The following RPS6KC1 variants were observed in gnomAD, a reference collection of about 807,000 sequenced individuals.
The protein encoded by RPS6KC1 is ribosomal protein S6 kinase C1.
Under a neutral mutation model 103.8 loss-of-function variants are expected in RPS6KC1, and 54 were observed. That is an observed-to-expected ratio of 0.52 (90% CI 0.42 to 0.65). The LOEUF (loss-of-function observed/expected upper bound fraction) is 0.65. Among genes scored for constraint, RPS6KC1 ranks in the 30% least tolerant of loss-of-function variants. The pLI is 0.00. For missense variants in RPS6KC1, 1,151 were observed against 1,253.8 expected (o/e 0.92, Z 1.24); for synonymous variants, 439 against 438.7 (o/e 1.00, Z -0.01).
the RPS6KC1 span, among the ~76,000 whole-genome samples, chr1:213,460,183 A>G: frequency 2.0e-5 from 3 of 152,178 alleles, no homozygotes; most frequent in Non-Finnish European, 4.4e-5. Context: ...GTGGGGTGTT[A>G]AAATCTCCCA....
chr1:213,602,006 CT>C, the RPS6KC1 span, among the ~76,000 whole-genome samples: 5 of 34,528 alleles, frequency 1.4e-4, 1 homozygote, highest in African/African-American at 3.4e-4. Context: ...CTTTTCTTTT[CT>C]TTTCTTTTCT....
At chr1:213,677,110 A>C in the RPS6KC1 span, among the ~76,000 whole-genome samples, 1 of 151,768 alleles carries the variant, frequency 6.6e-6, no homozygotes, top group African/African-American at 2.4e-5. Flanking sequence ...GAAAATGACA[A>C]CTCGACATGC....
chr1:213,711,357 A>G, the RPS6KC1 span, among the ~76,000 whole-genome samples: 16 of 152,220 alleles, frequency 1.1e-4, no homozygotes, highest in Admixed American at 3.3e-4. Context: ...TTTCAGCTCC[A>G]TCAGTTCATT....
At chr1:213,300,101 C>T in the RPS6KC1 span, among the ~76,000 whole-genome samples, 22 of 152,150 alleles carry the variant, frequency 1.4e-4, no homozygotes, top group African/African-American at 4.1e-4. Context: ...CACCGCACCC[C>T]GCCGCTAAAT....
chr1:213,804,372 A>G, the RPS6KC1 span, among the ~76,000 whole-genome samples: 1 of 151,902 alleles, frequency 6.6e-6, no homozygotes, highest in Non-Finnish European at 1.5e-5. Flanking sequence ...ACGAGAATGA[A>G]TCCCACCTTA....
chr1:213,205,051 T>C (rs1234292819), intron 8 of RPS6KC1, among the ~76,000 whole-genome samples: 1 of 152,184 alleles, frequency 6.6e-6, no homozygotes, highest in Non-Finnish European at 1.5e-5. Flanking sequence ...AGCATTGTAC[T>C]ACTCCCAGGC....
the RPS6KC1 span, among the ~76,000 whole-genome samples, chr1:213,427,599 C>A: frequency 6.6e-6 from 1 of 152,062 alleles, no homozygotes; most frequent in Non-Finnish European, 1.5e-5. Flanking sequence ...TTTCTTAAAT[C>A]GTTTTGAATT....
the RPS6KC1 span, among the ~76,000 whole-genome samples, chr1:213,852,198 A>G: frequency 6.6e-6 from 1 of 152,246 alleles, no homozygotes; most frequent in Admixed American, 6.5e-5. Flanking sequence ...AAAACCCTCT[A>G]ACAGCCTCCA....
the RPS6KC1 span, among the ~76,000 whole-genome samples, chr1:213,601,979 CCTCT>C: frequency 5.2e-5 from 2 of 38,622 alleles, no homozygotes; most frequent in Admixed American, 3.1e-4. Context: ...TCCCTTCCTT[CCTCT>C]CTCTCTTTCT....
chr1:213,579,183 T>A, the RPS6KC1 span, among the ~76,000 whole-genome samples: 1 of 152,248 alleles, frequency 6.6e-6, no homozygotes, highest in East Asian at 1.9e-4. Context: ...CTTTTGCTCC[T>A]CCTTTGCCTT....
the RPS6KC1 span, among the ~76,000 whole-genome samples, chr1:213,684,470 G>T: frequency 6.6e-6 from 1 of 152,076 alleles, no homozygotes; most frequent in African/African-American, 2.4e-5. Context: ...CACCCCACTA[G>T]GTGCCTGTGC....
Position 213,234,002 on chromosome 1 carries a change from TTCTC to T in RPS6KC1, c.1225+1757_1225+1760del, listed in dbSNP as rs997590754. Among the ~76,000 whole-genome samples the T allele has an allele frequency of 9.9e-3, 1,493 of 150,438 alleles. 25 individuals are homozygous for T. Among genetic ancestry groups the T allele is most frequent in the African/African-American group, 0.034 (1,380 of 40,448 alleles). On this transcript the variant is annotated intron_variant, in intron 10 of 14. Transcript: ENST00000366960. ...TTTTTAGGTGAACAAGACAAGAAAA[TTCTC>T]TCTCTCTCTTTTTTTTTTTTTTTTG...
the RPS6KC1 span, among the ~76,000 whole-genome samples, chr1:213,553,126 C>T: frequency 6.6e-6 from 1 of 151,940 alleles, no homozygotes; most frequent in Non-Finnish European, 1.5e-5. Context: ...CAGCCTAATA[C>T]CTGATAGATA....
At chr1:213,547,248 A>G in the RPS6KC1 span, among the ~76,000 whole-genome samples, 1 of 152,106 alleles carries the variant, frequency 6.6e-6, no homozygotes, top group Non-Finnish European at 1.5e-5. Flanking sequence ...ATCCAGATAT[A>G]TTTTTACATG....
the RPS6KC1 span, among the ~76,000 whole-genome samples, chr1:213,686,632 T>C: frequency 6.6e-6 from 1 of 152,198 alleles, no homozygotes; most frequent in East Asian, 1.9e-4. Flanking sequence ...ATTCTCAACT[T>C]ATCTCCCTAA....
the RPS6KC1 span, among the ~76,000 whole-genome samples, chr1:213,630,282 T>C: frequency 2.4e-3 from 359 of 152,094 alleles, 2 homozygotes; most frequent in African/African-American, 8.3e-3. Flanking sequence ...TTGTTTCTTT[T>C]TATTCTTTTT....
chr1:213,388,156 C>G, the RPS6KC1 span, among the ~76,000 whole-genome samples: 1 of 152,256 alleles, frequency 6.6e-6, no homozygotes, highest in African/African-American at 2.4e-5. Context: ...CTTGAATTCA[C>G]TGATCTCCAA....
chr1:213,544,946 G>A, the RPS6KC1 span, among the ~76,000 whole-genome samples: 1 of 152,178 alleles, frequency 6.6e-6, no homozygotes, highest in African/African-American at 2.4e-5. Context: ...AGTGTTTGAG[G>A]ACTTTGTGGC....
intron 8 of RPS6KC1, among the ~76,000 whole-genome samples, chr1:213,218,347 A>G (rs532067612): frequency 0.035 from 5,291 of 152,090 alleles, 268 homozygotes; most frequent in African/African-American, 0.12. Context: ...AGAACTACAA[A>G]CCACTGCTCA....
Sources: gnomAD v4.1 joint callset for allele counts (sites outside exome capture counted in the v4.1 genomes callset) on GRCh38, gnomAD v4.1.1 for gene constraint, MANE v1.5 for transcripts, NCBI Gene and HGNC (gene_info 2026-07-23, HGNC 2026-07-21) for gene names.